Variants in DCDC1 observed in about 807,000 individuals in gnomAD.
DCDC1 encodes the protein doublecortin domain-containing protein 1.
In DCDC1, 200 loss-of-function variants were observed where a neutral mutation model predicts 178.3. That is an observed-to-expected ratio of 1.12 (90% confidence interval 1.00 to 1.26). The LOEUF is 1.26. Ranked by LOEUF, DCDC1 falls within the 50% of genes most tolerant of loss-of-function variation. The pLI is 0.00. For missense variants in DCDC1, 1,983 were observed against 1,749.2 expected, an observed-to-expected ratio of 1.13 and a Z score of -2.38; for synonymous variants, 690 against 604.8, an observed-to-expected ratio of 1.14 and a Z score of -2.07.
chr11:30,991,370 G>A (rs1360027700), intron 20 of DCDC1, among the ~76,000 whole-genome samples: 1 of 152,134 alleles, frequency 6.6e-6, no homozygotes, highest in African/African-American at 2.4e-5. Context: ...CCCATGCAAG[G>A]TCACCAGGCT....
chr11:31,358,025 T>C (rs966011769), intron 1 of DCDC1, among the ~76,000 whole-genome samples: 9 of 151,962 alleles, frequency 5.9e-5, no homozygotes, highest in South Asian at 2.1e-4. Flanking sequence ...AGGTAATTTA[T>C]AGATTCAATG....
chr11:31,289,446 A>G (rs530441294), intron 7 of DCDC1, among the ~76,000 whole-genome samples: 1 of 152,118 alleles, frequency 6.6e-6, no homozygotes, highest in South Asian at 2.1e-4. Flanking sequence ...CAGGTTTCCC[A>G]GCTCCTTGGT....
intron 1 of DCDC1, among the ~76,000 whole-genome samples, chr11:31,342,847 A>T (rs1950616652): frequency 6.6e-6 from 1 of 152,262 alleles, no homozygotes; most frequent in African/African-American, 2.4e-5. Context: ...CTATTCAAAA[A>T]TAACCTGAAG....
chr11:31,368,972 G>T (rs181448065), intron 1 of DCDC1, among the ~76,000 whole-genome samples: 1 of 151,840 alleles, frequency 6.6e-6, no homozygotes, highest in East Asian at 1.9e-4. Flanking sequence ...ACCACCACCA[G>T]CAACAATAAC....
intron 14 of DCDC1, among the ~76,000 whole-genome samples, chr11:31,102,822 G>A (rs1223985696): frequency 6.6e-6 from 1 of 152,160 alleles, no homozygotes; most frequent in Non-Finnish European, 1.5e-5. Context: ...CACAAAGTGT[G>A]TGTCCATCAT....
intron 9 of DCDC1, among the ~76,000 whole-genome samples, chr11:31,215,924 A>G (rs1381069585): frequency 6.6e-6 from 1 of 152,178 alleles, no homozygotes. Context: ...CTGGGGAAAG[A>G]GTGTCACAGA....
chr11:30,911,343 T>C lies in DCDC1; in HGVS notation c.3731A>G (p.Tyr1244Cys), dbSNP rs1276532883. 1 of 1,604,116 alleles carries C rather than the reference T, an allele frequency of 6.2e-7. No homozygotes were observed. The highest frequency in any genetic ancestry group is 8.5e-7 in the Non-Finnish European group (1 of 1,175,116). Residue 1244 changes from tyrosine to cysteine, a missense_variant, in exon 28 of 39, where the codon TAT (tyrosine) becomes TGT (cysteine). Transcript: ENST00000684477. The part of the protein sequence containing the change: ...MTKTRNEVCG[Y>C]PVIVQKYKPY... Reference sequence around the variant, plus strand: ...ATATCTTACCTGAACAATAACTGGATAGCCACAAACTTCATTTCTAGTCTT... The same window carrying C: ...ATATCTTACCTGAACAATAACTGGACAGCCACAAACTTCATTTCTAGTCTT...
chr11:31,061,398 G>A (rs926384033), intron 20 of DCDC1, among the ~76,000 whole-genome samples: 4 of 151,952 alleles, frequency 2.6e-5, no homozygotes, highest in African/African-American at 4.8e-5. Flanking sequence ...TTATTTTATC[G>A]AAGCAAGGAG....
intron 30 of DCDC1, among the ~76,000 whole-genome samples, chr11:30,905,632 C>T (rs1429213783): frequency 6.6e-6 from 1 of 152,154 alleles, no homozygotes; most frequent in Non-Finnish European, 1.5e-5. Flanking sequence ...TTCTGCTTTC[C>T]CTTTTCATCC....
At chr11:30,885,619 A>T (rs145727634) in intron 36 of DCDC1, among the ~76,000 whole-genome samples, 1 of 152,148 alleles carries the variant, frequency 6.6e-6, no homozygotes, top group Non-Finnish European at 1.5e-5. Context: ...ATAAATTGAA[A>T]TATGGGTATA....
At chr11:30,901,171 A>G (rs941545638) in intron 32 of DCDC1, among the ~76,000 whole-genome samples, 2 of 152,104 alleles carry the variant, frequency 1.3e-5, no homozygotes, top group African/African-American at 4.8e-5. Flanking sequence ...TGGTTCTGAG[A>G]TCTGAGAAAA....
At position 31,129,137 on chromosome 11, in the gene DCDC1, A is replaced by T. The variant is rs539339848; in HGVS notation, c.1315-1498T>A. Among the ~76,000 whole-genome samples, 3 of 150,930 alleles carry T rather than the reference A, an allele frequency of 2.0e-5. No homozygotes were observed. In the East Asian group the frequency reaches 6.0e-4, roughly 30 times the overall value. ...CTTCTGCAGAGCATTCAGAGAAGTT[A>T]GTGACAGCCAGTGTGCACTATTACT... On this transcript the variant is annotated intron_variant, in intron 10 of 38. Coordinates refer to ENST00000684477, the MANE Select transcript of DCDC1 (RefSeq NM_001387274.1).
At chr11:30,904,804 T>A (rs950037932) in intron 31 of DCDC1, 157 bp downstream of exon 31, 2 of 812,800 alleles carry the variant, frequency 2.5e-6, no homozygotes, top group African/African-American at 3.5e-5. Flanking sequence ...TCAAATAAAA[T>A]GTCTTTAAGT....
At chr11:30,871,245 G>A (rs758414922) in intron 38 of DCDC1, among the ~76,000 whole-genome samples, 1 of 152,084 alleles carries the variant, frequency 6.6e-6, no homozygotes, top group Non-Finnish European at 1.5e-5. Flanking sequence ...AAGAGCCCTC[G>A]GATAAGTAGA....
intron 20 of DCDC1, among the ~76,000 whole-genome samples, chr11:31,011,120 A>G (rs1952142173): frequency 6.6e-6 from 1 of 152,108 alleles, no homozygotes; most frequent in African/African-American, 2.4e-5. Flanking sequence ...TTCAACATGC[A>G]AAAAAACTCC....
intron 9 of DCDC1, among the ~76,000 whole-genome samples, chr11:31,166,979 A>G (rs1966840101): frequency 6.6e-6 from 1 of 152,192 alleles, no homozygotes; most frequent in African/African-American, 2.4e-5. Context: ...AACTAATGCT[A>G]GCAATTGTCT....
Position 30,863,736 on chromosome 11 carries a change from C to G in DCDC1, c.*1637G>C, listed in dbSNP as rs1940801186. On this transcript the variant is annotated 3_prime_UTR_variant, in exon 39 of 39. Coordinates refer to ENST00000684477, the MANE Select transcript of DCDC1 (RefSeq NM_001387274.1). ...TGAGAAGTCCAGATTACGTATCCCCCACACCTTAAAGATTATGGAAATGAG... is the reference window on the plus strand; with the variant it reads ...TGAGAAGTCCAGATTACGTATCCCCGACACCTTAAAGATTATGGAAATGAG... 1 of 152,226 alleles carries G rather than the reference C, an allele frequency of 6.6e-6. No individual in the cohort carries two copies. The highest frequency in any genetic ancestry group is 1.5e-5 in the Non-Finnish European group (1 of 68,044). The allele number at this position is 152,226 out of a possible 1,614,324, so 9.4% of individuals were successfully genotyped here. A position where few individuals can be genotyped will look rare whatever the true frequency, so the allele number is the denominator to read the frequency against.
intron 20 of DCDC1, among the ~76,000 whole-genome samples, chr11:30,998,707 C>A (rs1806465823): frequency 6.6e-6 from 1 of 152,150 alleles, no homozygotes; most frequent in African/African-American, 2.4e-5. Context: ...TATCTCCCCT[C>A]AAATATTTAT....
At chr11:31,094,273 A>G in intron 15 of DCDC1, 89 bp from the exon 16 acceptor site, 1 of 699,362 alleles carries the variant, frequency 1.4e-6, no homozygotes, top group South Asian at 1.6e-5. Context: ...TTATCCTAGA[A>G]CATTATTTAT....
Sources: gnomAD v4.1 joint callset for allele counts (sites outside exome capture counted in the v4.1 genomes callset) on GRCh38, gnomAD v4.1.1 for gene constraint, MANE v1.5 for transcripts, NCBI Gene and HGNC (gene_info 2026-07-23, HGNC 2026-07-21) for gene names.